Variants in DLG2 observed in about 807,000 individuals in gnomAD.
DLG2 encodes the protein discs large MAGUK scaffold protein 2.
Under a neutral mutation model 132.5 loss-of-function variants are expected in DLG2, and 45 were observed. The ratio of observed to expected loss-of-function variants is 0.34; its 90% CI spans 0.27 to 0.44. The LOEUF (loss-of-function observed/expected upper bound fraction) is 0.44, where lower values mean the gene tolerates loss of function less well. Among genes scored for constraint, DLG2 ranks in the 20% least tolerant of loss-of-function variants. The pLI, the probability that DLG2 is intolerant of heterozygous loss-of-function variation, is 1.00. For missense variants in DLG2, 1,045 were observed against 1,196.9 expected (o/e 0.87, Z 1.87); for synonymous variants, 424 against 419.6 (o/e 1.01, Z -0.13).
chr11:84,711,326 C>T (rs1255063096), intron 6 of DLG2, among the ~76,000 whole-genome samples: 1 of 99,190 alleles, frequency 1.0e-5, no homozygotes, highest in Admixed American at 1.2e-4. Flanking sequence ...GAAACAGAAC[C>T]AGTAAGAGAG....
intron 3 of DLG2, among the ~76,000 whole-genome samples, chr11:85,345,297 G>A (rs1459997103): frequency 1.3e-5 from 2 of 151,886 alleles, no homozygotes; most frequent in South Asian, 2.1e-4. Flanking sequence ...TGCTCCTTGG[G>A]GCACAATATT....
chr11:84,998,138 G>T (rs891458536), intron 6 of DLG2, among the ~76,000 whole-genome samples: 1 of 151,922 alleles, frequency 6.6e-6, no homozygotes, highest in Non-Finnish European at 1.5e-5. Flanking sequence ...AAAAGTAATT[G>T]TTTTTGCACC....
intron 18 of DLG2, among the ~76,000 whole-genome samples, chr11:83,699,718 CATA>C (rs1037850945): frequency 1.7e-4 from 24 of 138,380 alleles, no homozygotes; most frequent in Non-Finnish European, 3.1e-4. Context: ...TAAAAAAAAA[CATA>C]ATAATAATTT....
At chr11:85,328,709 C>T (rs1254648742) in intron 3 of DLG2, among the ~76,000 whole-genome samples, 110 of 151,142 alleles carry the variant, frequency 7.3e-4, no homozygotes, top group African/African-American at 2.0e-3. Flanking sequence ...CTTTGAAAAC[C>T]GGCACAAGAC....
chr11:83,701,392 G>T (rs1008593316), intron 18 of DLG2, among the ~76,000 whole-genome samples: 9 of 152,138 alleles, frequency 5.9e-5, no homozygotes, highest in African/African-American at 1.7e-4. Context: ...GTCTGGAGTA[G>T]ATATCAGTAA....
intron 8 of DLG2, among the ~76,000 whole-genome samples, chr11:84,164,643 A>G (rs570034142): frequency 6.6e-6 from 1 of 152,368 alleles, no homozygotes; most frequent in African/African-American, 2.4e-5. Context: ...TTACTTGTGT[A>G]ATTTATAAAC....
chr11:85,185,995 C>T (rs1421738613), intron 4 of DLG2, among the ~76,000 whole-genome samples: 1 of 151,936 alleles, frequency 6.6e-6, no homozygotes, highest in Non-Finnish European at 1.5e-5. Flanking sequence ...CAACAAAATA[C>T]CAAAGCTCAT....
intron 6 of DLG2, among the ~76,000 whole-genome samples, chr11:84,924,137 A>C (rs1420070174): frequency 2.6e-5 from 4 of 152,144 alleles, no homozygotes; most frequent in African/African-American, 9.7e-5. Flanking sequence ...AGATCCTTCT[A>C]TCTGTTGTCA....
At chr11:84,173,685 T>C (rs1403584271) in intron 8 of DLG2, among the ~76,000 whole-genome samples, 3 of 152,136 alleles carry the variant, frequency 2.0e-5, no homozygotes, top group African/African-American at 7.2e-5. Flanking sequence ...CTCTCCTCAA[T>C]CCTCTGCAGC....
chr11:83,531,115 A>T (rs184155347), intron 21 of DLG2, among the ~76,000 whole-genome samples: 10 of 152,096 alleles, frequency 6.6e-5, no homozygotes, highest in African/African-American at 2.4e-4. Context: ...GGTTTCTTAG[A>T]TATGACACCA....
At chr11:83,858,153 G>C (rs1489214108) in intron 16 of DLG2, among the ~76,000 whole-genome samples, 1 of 152,182 alleles carries the variant, frequency 6.6e-6, no homozygotes, top group African/African-American at 2.4e-5. Context: ...GTTTTGCTGA[G>C]TACGAGTTCT....
chr11:83,624,431 G>C (rs1479464608), intron 19 of DLG2, among the ~76,000 whole-genome samples: 2 of 152,212 alleles, frequency 1.3e-5, no homozygotes, highest in South Asian at 2.1e-4. Flanking sequence ...GCTGCCTAAA[G>C]ACAAAGCCTT....
intron 2 of DLG2, among the ~76,000 whole-genome samples, chr11:85,611,423 G>A (rs1379978662): frequency 6.6e-6 from 1 of 152,190 alleles, no homozygotes; most frequent in East Asian, 1.9e-4. Flanking sequence ...TTTTCTCCCA[G>A]AGGATGGGGA....
intron 6 of DLG2, among the ~76,000 whole-genome samples, chr11:85,012,292 T>C (rs61909107): frequency 1.4e-5 from 1 of 73,458 alleles, no homozygotes; most frequent in South Asian, 4.1e-4. Flanking sequence ...TTTGGGAAGC[T>C]AAGGCGGGTG....
intron 18 of DLG2, among the ~76,000 whole-genome samples, chr11:83,774,457 G>T (rs2094510568): frequency 6.6e-6 from 1 of 152,162 alleles, no homozygotes. Context: ...TCATTTTACA[G>T]ATAAAGAATG....
chr11:84,591,253 G>GTGTGTGTGTGTC (rs1417329624), intron 6 of DLG2, among the ~76,000 whole-genome samples: 2 of 150,752 alleles, frequency 1.3e-5, no homozygotes, highest in East Asian at 3.9e-4. Flanking sequence ...GTGTGTGTGT[G>GTGTGTGTGTGTC]TGTGCGCGTC....
At chr11:84,864,866 G>A (rs1424703243) in intron 6 of DLG2, among the ~76,000 whole-genome samples, 42 of 152,084 alleles carry the variant, frequency 2.8e-4, no homozygotes, top group Admixed American at 2.5e-3. Context: ...AGAAAAGAAA[G>A]GACAGTATTT....
At chr11:83,460,707 A>T (rs920045634) in intron 27 of DLG2, among the ~76,000 whole-genome samples, 1 of 152,228 alleles carries the variant, frequency 6.6e-6, no homozygotes, top group Non-Finnish European at 1.5e-5. Flanking sequence ...TTAAAAATAA[A>T]TTACTACTGA....
At chr11:84,819,360 G>C (rs1360639016) in intron 6 of DLG2, among the ~76,000 whole-genome samples, 1 of 151,904 alleles carries the variant, frequency 6.6e-6, no homozygotes, top group Non-Finnish European at 1.5e-5. Context: ...AGGACTTCCA[G>C]TGCATGTCAG....
Sources: allele counts gnomAD v4.1 joint callset (sites outside exome capture counted in the v4.1 genomes callset), GRCh38; gene constraint gnomAD v4.1.1; transcripts MANE v1.5; gene names NCBI Gene and HGNC (gene_info 2026-07-23, HGNC 2026-07-21).